ZFAND4: variants seen among roughly 807,000 people sequenced by gnomAD.
ZFAND4 encodes the protein AN1-type zinc finger protein 4.
ZFAND4 carries 43 observed loss-of-function variants against 64.4 expected under a neutral mutation model. The ratio of observed to expected loss-of-function variants is 0.67; its 90% CI spans 0.52 to 0.86. The LOEUF (loss-of-function observed/expected upper bound fraction) is 0.86, where lower values mean the gene tolerates loss of function less well. ZFAND4 is among the 40% of genes least tolerant of loss of function. The pLI, the probability that ZFAND4 is intolerant of heterozygous loss-of-function variation, is 0.00. For missense variants in ZFAND4, 929 were observed against 859.8 expected, an observed-to-expected ratio of 1.08 and a Z score of -1.01; for synonymous variants, 296 against 305.7, an observed-to-expected ratio of 0.97 and a Z score of 0.33.
At position 45,653,077 on chromosome 10, in the gene ZFAND4, A is replaced by T. The variant is rs200878133; in HGVS notation, c.185-18T>A. On this transcript the variant is annotated intron_variant, in intron 2 of 9. Transcript: ENST00000344646. ...GGGAATACCTTAAGGGAAAGTTATT[A>T]AAAAAAAGTGTTAAAGAATTCAATA... 1.9e-4 allele frequency: 301 copies of T among 1,560,622 alleles called. 2 individuals carry two copies. The highest frequency in any genetic ancestry group is 6.8e-4 in the Middle Eastern group (4 of 5,876).
At chr10:45,668,724 A>G (rs2133882315) in intron 1 of ZFAND4, among the ~76,000 whole-genome samples, 1 of 152,368 alleles carries the variant, frequency 6.6e-6, no homozygotes, top group Non-Finnish European at 1.5e-5. Flanking sequence ...CAATCAAATT[A>G]TAACTCAGGA....
intron 4 of ZFAND4, chr10:45,651,477 G>C (rs544746712): frequency 2.3e-6 from 1 of 441,486 alleles, no homozygotes; most frequent in South Asian, 1.7e-5. Context: ...TTTGTTGAAT[G>C]AATGACTGGA....
chr10:45,642,686 T>C (rs560934590), intron 5 of ZFAND4, among the ~76,000 whole-genome samples: 2 of 151,204 alleles, frequency 1.3e-5, no homozygotes, highest in South Asian at 4.2e-4. Context: ...AAATTCACCT[T>C]TTTTTTTCAA....
chr10:45,626,309 G>C lies in ZFAND4; in HGVS notation c.1514C>G (p.Ser505Cys). ...TTGAACATCCAGTGACTGAGAAGAA[G>C]AAGGCTGTAGCTTCCCAAACTCAAA... Reference protein sequence around the residue: ...KCFEFGKLQPSSSQSLDVQNI... With the variant: ...KCFEFGKLQPCSSQSLDVQNI... The change falls in exon 7 of 10, where the codon TCT becomes TGT. Residue 505 changes from serine to cysteine, a missense_variant. Physicochemically the swap from Ser to Cys is moderately radical, Grantham distance 112. Coordinates refer to ENST00000344646, the MANE Select transcript of ZFAND4 (RefSeq NM_174890.4). 7.4e-6 allele frequency: 12 copies of C among 1,614,214 alleles called. No individual in the cohort carries two copies. The highest frequency in any genetic ancestry group is 1.0e-5 in the Non-Finnish European group (12 of 1,180,042).
chr10:45,639,049 G>A (rs1008438527), intron 6 of ZFAND4, among the ~76,000 whole-genome samples: 4 of 151,968 alleles, frequency 2.6e-5, no homozygotes, highest in South Asian at 2.1e-4. Context: ...GTAAAAATTC[G>A]TCAAGTAGTA....
intron 6 of ZFAND4, among the ~76,000 whole-genome samples, chr10:45,635,409 A>G (rs1197460028): frequency 6.6e-6 from 1 of 152,106 alleles, no homozygotes; most frequent in Non-Finnish European, 1.5e-5. Flanking sequence ...TGCCAAGAAC[A>G]TACACTGGGG....
chr10:45,637,029 C>T (rs1478386834), intron 6 of ZFAND4, among the ~76,000 whole-genome samples: 3 of 151,376 alleles, frequency 2.0e-5, no homozygotes. Flanking sequence ...AAGATCTTTA[C>T]CCCACTTTAC....
At chr10:45,670,730 C>A (rs550992815) in intron 1 of ZFAND4, among the ~76,000 whole-genome samples, 68 of 152,272 alleles carry the variant, frequency 4.5e-4, no homozygotes, top group Non-Finnish European at 8.5e-4. Flanking sequence ...CATAAAAACC[C>A]TAGAAGAAAA....
intron 1 of ZFAND4, among the ~76,000 whole-genome samples, chr10:45,668,068 T>C (rs1261795896): frequency 3.9e-5 from 6 of 152,234 alleles, no homozygotes; most frequent in African/African-American, 1.4e-4. Flanking sequence ...TTTATTCACA[T>C]ATTACATTAC....
At chr10:45,624,532 A>G in intron 8 of ZFAND4, 51 bp downstream of exon 8, 1 of 1,552,084 alleles carries the variant, frequency 6.4e-7, no homozygotes, top group Non-Finnish European at 8.9e-7. Context: ...CCGGATGCAT[A>G]ATTATGTAAT....
intron 6 of ZFAND4, among the ~76,000 whole-genome samples, chr10:45,631,342 AAAAC>A (rs1388145031): frequency 6.6e-6 from 1 of 151,628 alleles, no homozygotes; most frequent in Non-Finnish European, 1.5e-5. Context: ...TCCAAAAAAG[AAAAC>A]AAACAAAAAA....
rs992129817 is a variant in ZFAND4 at position 45,634,526 on chromosome 10, C to CA, written c.717+5289dup. ...CCTGGGCAACAGCAAGACTCCATCT[C>CA]AAAAAAAAAAAAAAAGAATTAAACA... On this transcript the variant is annotated intron_variant, in intron 6 of 9. Transcript: ENST00000344646. 9.6e-3 allele frequency among the ~76,000 whole-genome samples: 620 copies of CA among 64,880 alleles called. 2 individuals carry two copies. The highest frequency in any genetic ancestry group is 0.025 in the African/African-American group (425 of 17,102). 42.6% of individuals were successfully genotyped at this position (64,880 alleles called of 152,430 possible).
At chr10:45,634,904 G>A (rs1339020458) in intron 6 of ZFAND4, among the ~76,000 whole-genome samples, 1 of 151,692 alleles carries the variant, frequency 6.6e-6, no homozygotes, top group Non-Finnish European at 1.5e-5. Flanking sequence ...ATTTACAATA[G>A]CTACAAATAA....
chr10:45,659,162 C>T (rs1589419747), intron 2 of ZFAND4, among the ~76,000 whole-genome samples: 1 of 152,168 alleles, frequency 6.6e-6, no homozygotes, highest in African/African-American at 2.4e-5. Flanking sequence ...AGCCTCCCTA[C>T]CTCACCTAAA....
At position 45,638,519 on chromosome 10, in the gene ZFAND4, C is replaced by A. The variant is rs117660316; in HGVS notation, c.717+1297G>T. ...ACAAAAAACAAAAAAACAAAAAAAC[C>A]AAAAAATGCTTGGCAAAATTGTCTG... is the stretch of plus-strand genomic sequence containing the variant. On this transcript the variant is annotated intron_variant, in intron 6 of 9. Transcript: ENST00000344646. Among the ~76,000 whole-genome samples the A allele has an allele frequency of 5.7e-3, 863 of 151,324 alleles. 15 individuals carry two copies. Among genetic ancestry groups the A allele is most frequent in the East Asian group, 0.054 (276 of 5,144 alleles).
chr10:45,669,715 G>C (rs1164573844), intron 1 of ZFAND4, among the ~76,000 whole-genome samples: 1 of 152,160 alleles, frequency 6.6e-6, no homozygotes, highest in Non-Finnish European at 1.5e-5. Context: ...GGGATGCAAG[G>C]CTGGTTCAAT....
intron 1 of ZFAND4, among the ~76,000 whole-genome samples, chr10:45,669,264 T>G (rs566408860): frequency 9.2e-5 from 14 of 152,100 alleles, no homozygotes; most frequent in Admixed American, 2.6e-4. Context: ...TCTACACAAA[T>G]AAACTGGAAA....
At chr10:45,642,988 G>A (rs1652501699) in intron 5 of ZFAND4, among the ~76,000 whole-genome samples, 1 of 145,108 alleles carries the variant, frequency 6.9e-6, no homozygotes, top group Non-Finnish European at 1.5e-5. Context: ...TGCAATCTCG[G>A]CTCACCGCAA....
At chr10:45,642,199 T>G (rs944544625) in intron 5 of ZFAND4, among the ~76,000 whole-genome samples, 1 of 152,216 alleles carries the variant, frequency 6.6e-6, no homozygotes, top group Admixed American at 6.5e-5. Context: ...TTAAGTATCT[T>G]TACTGAATAC....
Sources: gnomAD v4.1 joint callset for allele counts (sites outside exome capture counted in the v4.1 genomes callset) on GRCh38, gnomAD v4.1.1 for gene constraint, MANE v1.5 for transcripts, NCBI Gene and HGNC (gene_info 2026-07-23, HGNC 2026-07-21) for gene names.